Variants in ANXA7 observed in about 807,000 individuals in gnomAD.
The protein encoded by ANXA7 is annexin A7, also known as annexin VII.
Under a neutral mutation model 64.9 loss-of-function variants are expected in ANXA7, and 55 were observed. The ratio of observed to expected loss-of-function variants is 0.85; its 90% CI spans 0.68 to 1.06. The LOEUF is 1.06. Ranked by LOEUF, ANXA7 falls within the 50% of genes least tolerant of loss-of-function variation. The probability of loss-of-function intolerance (pLI) is 0.00; values close to 1 mark genes in which losing one functional copy is unlikely to be tolerated. For synonymous variants in ANXA7, 200 were observed against 192.4 expected (o/e 1.04, Z -0.33); for missense variants, 548 against 582.1 (o/e 0.94, Z 0.60).
Position 73,398,177 on chromosome 10 carries a change from T to C in ANXA7, c.259+4A>G. The stretch of plus-strand genomic sequence containing the variant: ...CATTACTAATTCCGCAACCCGTAAC[T>C]CACCTCCGGGATAGGATGGAGCTCC... On this transcript the variant is annotated splice_donor_region_variant and intron_variant, in intron 3 of 12. Transcript: ENST00000372921. 6.2e-7 allele frequency: 1 copy of C among 1,606,526 alleles called. No individual in the cohort carries two copies. The highest frequency in any genetic ancestry group is 8.5e-7 in the Non-Finnish European group (1 of 1,174,870).
intron 12 of ANXA7, among the ~76,000 whole-genome samples, chr10:73,376,857 C>CTA (rs1307322655): frequency 6.6e-6 from 1 of 151,992 alleles, no homozygotes; most frequent in Non-Finnish European, 1.5e-5. Context: ...TTCTGACATG[C>CTA]TATAACATGA....
At chr10:73,408,286 C>T (rs908482262) in intron 1 of ANXA7, 3 of 149,074 alleles carry the variant, frequency 2.0e-5, no homozygotes, top group African/African-American at 7.5e-5. Context: ...CATCATTGCA[C>T]TCCAGTTGAA....
intron 5 of ANXA7, among the ~76,000 whole-genome samples, chr10:73,392,205 T>C (rs113504296): frequency 1.1e-3 from 162 of 152,248 alleles, no homozygotes; most frequent in African/African-American, 3.7e-3. Context: ...GAGGCAATAA[T>C]TAAGAGCCTA....
At chr10:73,413,841 G>C (rs2055881646) in intron 1 of ANXA7, among the ~76,000 whole-genome samples, 171 bp downstream of exon 1, 1 of 152,200 alleles carries the variant, frequency 6.6e-6, no homozygotes, top group Non-Finnish European at 1.5e-5. Context: ...AACACACCCC[G>C]GCCGGCAGCC....
intron 5 of ANXA7, among the ~76,000 whole-genome samples, chr10:73,392,632 C>G (rs540901702): frequency 4.6e-5 from 7 of 152,248 alleles, no homozygotes; most frequent in African/African-American, 1.7e-4. Flanking sequence ...GCAGAAAAGG[C>G]CTTTGACAAA....
At chr10:73,379,703 C>G in intron 11 of ANXA7, 176 bp downstream of exon 11, 1 of 658,904 alleles carries the variant, frequency 1.5e-6, no homozygotes, top group Non-Finnish European at 2.7e-6. Context: ...AGGACTGTTT[C>G]TGGGGGCTTA....
At chr10:73,386,720 T>C (rs1589650553) in intron 7 of ANXA7, among the ~76,000 whole-genome samples, 1 of 152,204 alleles carries the variant, frequency 6.6e-6, no homozygotes, top group South Asian at 2.1e-4. Flanking sequence ...TAGGCTACAG[T>C]GCAGTAACAC....
Position 73,398,357 on chromosome 10 carries a change from G to C in ANXA7, c.83C>G (p.Pro28Arg), listed in dbSNP as rs763031601. 4 of 1,613,918 alleles carry C rather than the reference G, an allele frequency of 2.5e-6. No individual in the cohort carries two copies. Among genetic ancestry groups the C allele is most frequent in the Middle Eastern group, 1.7e-4 (1 of 6,060 alleles). ...ACTAGGATAAGGATACTGACCAGAA[G>C]GGGGAAAAGATGACTCCTGACCTGC... ...PPAGQESSFPPSGQYPYPSGF... is the reference protein window; with the variant it reads ...PPAGQESSFPRSGQYPYPSGF... Residue 28 changes from proline to arginine, a missense_variant, in exon 3 of 13, where the codon CCT (proline) becomes CGT (arginine). Physicochemically the swap from Pro to Arg is moderately radical, Grantham distance 103 (BLOSUM62 -2). Transcript: ENST00000372921.
chr10:73,394,976 T>C (rs564935015), intron 5 of ANXA7, among the ~76,000 whole-genome samples: 38 of 152,340 alleles, frequency 2.5e-4, no homozygotes, highest in Admixed American at 2.2e-3. Context: ...ATATGCATGC[T>C]TAAACTAAAA....
intron 3 of ANXA7, 23 bp downstream of exon 3, chr10:73,398,158 T>C (rs2055605264): frequency 1.9e-6 from 3 of 1,596,840 alleles, no homozygotes; most frequent in African/African-American, 2.7e-5. Flanking sequence ...CAATCATTAC[T>C]AATTCCGCAA....
intron 5 of ANXA7, among the ~76,000 whole-genome samples, chr10:73,390,747 T>TAC (rs1564526574): frequency 7.2e-6 from 1 of 138,196 alleles, no homozygotes; most frequent in Non-Finnish European, 1.5e-5. Flanking sequence ...CACACACACA[T>TAC]ATATATATAT....
intron 5 of ANXA7, among the ~76,000 whole-genome samples, chr10:73,390,733 TAC>T (rs1158231376): frequency 6.9e-5 from 10 of 144,462 alleles, no homozygotes; most frequent in South Asian, 4.2e-4. Flanking sequence ...AATATATATA[TAC>T]ACACACACAC....
chr10:73,410,786 A>G (rs2055827076), intron 1 of ANXA7, among the ~76,000 whole-genome samples: 1 of 151,458 alleles, frequency 6.6e-6, no homozygotes, highest in Non-Finnish European at 1.5e-5. Flanking sequence ...CATCTCAAAA[A>G]AAAAAAAAAA....
chr10:73,377,959 G>T (rs951607105), intron 12 of ANXA7, among the ~76,000 whole-genome samples: 1 of 150,932 alleles, frequency 6.6e-6, no homozygotes, highest in Non-Finnish European at 1.5e-5. Flanking sequence ...TGTAGAAATA[G>T]GTTTCACCAT....
At chr10:73,401,258 T>TACACAACACACAC (rs548600523) in intron 1 of ANXA7, among the ~76,000 whole-genome samples, 6 of 138,520 alleles carry the variant, frequency 4.3e-5, no homozygotes, top group Admixed American at 1.4e-4. Flanking sequence ...TACACACACA[T>TACACAACACACAC]ACACAACACA....
At chr10:73,392,693 G>C (rs1416881744) in intron 5 of ANXA7, among the ~76,000 whole-genome samples, 1 of 152,104 alleles carries the variant, frequency 6.6e-6, no homozygotes, top group Non-Finnish European at 1.5e-5. Flanking sequence ...GTATTGATGG[G>C]ACGTATCTCA....
intron 7 of ANXA7, among the ~76,000 whole-genome samples, chr10:73,386,672 T>C (rs1334862869): frequency 6.6e-6 from 1 of 152,050 alleles, no homozygotes; most frequent in Non-Finnish European, 1.5e-5. Context: ...AGCATTTCCA[T>C]ATTATTTTTT....
chr10:73,378,286 CAG>C (rs2055218324), intron 12 of ANXA7, among the ~76,000 whole-genome samples: 1 of 146,954 alleles, frequency 6.8e-6, no homozygotes. Context: ...GCTGAGGTGA[CAG>C]AATTGCTTGA....
chr10:73,400,090 C>T (rs2055637124), intron 2 of ANXA7, among the ~76,000 whole-genome samples: 1 of 150,620 alleles, frequency 6.6e-6, no homozygotes. Flanking sequence ...TTGCAGTGAG[C>T]TGAGATCACA....
Sources: gnomAD v4.1 joint callset for allele counts (sites outside exome capture counted in the v4.1 genomes callset) on GRCh38, gnomAD v4.1.1 for gene constraint, MANE v1.5 for transcripts, NCBI Gene and HGNC (gene_info 2026-07-23, HGNC 2026-07-21) for gene names.